Variants in PDE4D observed in about 807,000 individuals in gnomAD.
The protein encoded by PDE4D is 3',5'-cyclic-AMP phosphodiesterase 4D.
Under a neutral mutation model 87.4 loss-of-function variants are expected in PDE4D, and 24 were observed. The ratio of observed to expected loss-of-function variants is 0.27; its 90% CI spans 0.20 to 0.39. The LOEUF (loss-of-function observed/expected upper bound fraction) is 0.39, where lower values mean the gene tolerates loss of function less well. PDE4D is among the 10% of genes least tolerant of loss of function. The probability of loss-of-function intolerance (pLI) is 1.00; values close to 1 mark genes in which losing one functional copy is unlikely to be tolerated. For missense variants in PDE4D, 714 were observed against 1,041.0 expected (o/e 0.69, Z 4.32); for synonymous variants, 384 against 383.2 (o/e 1.00, Z -0.02).
At chr5:59,649,370 C>T (rs969108917) in intron 1 of PDE4D, among the ~76,000 whole-genome samples, 6 of 151,948 alleles carry the variant, frequency 3.9e-5, no homozygotes, top group African/African-American at 1.5e-4. Flanking sequence ...AAGTGTGAGC[C>T]GGGGGAGGAA....
At chr5:59,581,128 G>A (rs1309047776) in intron 1 of PDE4D, among the ~76,000 whole-genome samples, 6 of 152,032 alleles carry the variant, frequency 3.9e-5, no homozygotes, top group Admixed American at 6.6e-5. Flanking sequence ...TTGAGCTATT[G>A]CAAAAATGTG....
chr5:59,908,758 T>C (rs989991002), intron 3 of PDE4D, among the ~76,000 whole-genome samples: 3 of 152,198 alleles, frequency 2.0e-5, no homozygotes, highest in South Asian at 2.1e-4. Flanking sequence ...ATTTAGATAA[T>C]TGAGAATTCT....
intron 1 of PDE4D, among the ~76,000 whole-genome samples, chr5:59,532,245 C>T (rs1814371570): frequency 6.6e-6 from 1 of 152,122 alleles, no homozygotes; most frequent in Non-Finnish European, 1.5e-5. Context: ...AGCCATTCTC[C>T]TGCCTCAGCC....
rs978972101 is a variant in PDE4D at position 59,476,252 on chromosome 5, G to A, written c.456-260284C>T. 2.4e-4 allele frequency among the ~76,000 whole-genome samples: 36 copies of A among 152,004 alleles called. 1 individual carries two copies. The highest frequency in any genetic ancestry group is 1.5e-3 in the Admixed American group (23 of 15,242). On this transcript the variant is annotated intron_variant, in intron 1 of 14. Transcript: ENST00000340635. The stretch of plus-strand genomic sequence containing the variant: ...GACAAAACCTAATCTTATGTGATGT[G>A]GTGGGAGGGGACTGGGGTATGGTAC...
intron 5 of PDE4D, among the ~76,000 whole-genome samples, chr5:59,056,784 CT>C (rs1012678272): frequency 1.8e-4 from 28 of 152,240 alleles, no homozygotes; most frequent in African/African-American, 6.5e-4. Context: ...TAAACTCATT[CT>C]TTTTTATGGC....
chr5:60,379,269 T>C (rs1375191431), intron 1 of PDE4D, among the ~76,000 whole-genome samples: 1 of 152,238 alleles, frequency 6.6e-6, no homozygotes, highest in East Asian at 1.9e-4. Flanking sequence ...GACTAGTTTT[T>C]ATTTTTAGAA....
chr5:60,065,070 CAT>C (rs1771902020), intron 2 of PDE4D, among the ~76,000 whole-genome samples: 1 of 152,148 alleles, frequency 6.6e-6, no homozygotes, highest in African/African-American at 2.4e-5. Flanking sequence ...ACACACATTG[CAT>C]TGCTATTCTT....
intron 1 of PDE4D, among the ~76,000 whole-genome samples, chr5:59,639,010 T>C (rs1741083832): frequency 6.6e-6 from 1 of 152,196 alleles, no homozygotes; most frequent in African/African-American, 2.4e-5. Flanking sequence ...TGCTTTTGTT[T>C]GGTGGGAAGT....
upstream of PDE4D, among the ~76,000 whole-genome samples, chr5:60,488,635 AATACAGGATTTTCC>A (rs1749340996): frequency 6.6e-6 from 1 of 152,078 alleles, no homozygotes; most frequent in African/African-American, 2.4e-5. Context: ...TGTGGAGGAA[AATACAGGATTTTCC>A]AGAACAGTTT....
intron 5 of PDE4D, chr5:59,157,014 TAA>T (rs11444928): frequency 3.3e-4 from 62 of 190,666 alleles, no homozygotes; most frequent in East Asian, 4.7e-4. Context: ...CTTCATTAAT[TAA>T]AAAAAAAAAA....
intron 1 of PDE4D, among the ~76,000 whole-genome samples, chr5:59,809,572 T>C (rs1472197887): frequency 2.0e-5 from 3 of 152,164 alleles, no homozygotes; most frequent in Non-Finnish European, 4.4e-5. Flanking sequence ...GGAGTAATTT[T>C]AGGATATAGT....
intron 1 of PDE4D, among the ~76,000 whole-genome samples, chr5:60,512,161 C>T (rs1750606426): frequency 1.3e-5 from 2 of 152,116 alleles, no homozygotes; most frequent in Non-Finnish European, 2.9e-5. Context: ...AATAATATGA[C>T]ATGAGATTCT....
intron 1 of PDE4D, among the ~76,000 whole-genome samples, chr5:60,469,272 C>T (rs1313941182): frequency 6.6e-6 from 1 of 152,106 alleles, no homozygotes; most frequent in East Asian, 1.9e-4. Flanking sequence ...ACTTTTCTTC[C>T]TTTCCTTCAC....
chr5:59,736,400 C>G (rs972520552), intron 1 of PDE4D, among the ~76,000 whole-genome samples: 2 of 151,876 alleles, frequency 1.3e-5, no homozygotes, highest in East Asian at 3.9e-4. Flanking sequence ...TACAATTGGC[C>G]GGGTGCAGTG....
At chr5:59,260,069 C>A (rs552432253) in intron 1 of PDE4D, among the ~76,000 whole-genome samples, 1 of 151,898 alleles carries the variant, frequency 6.6e-6, no homozygotes, top group Non-Finnish European at 1.5e-5. Context: ...CCTGAATCTA[C>A]CCTGTCTTAG....
chr5:59,092,519 T>C (rs1768922773), intron 5 of PDE4D, among the ~76,000 whole-genome samples: 1 of 151,802 alleles, frequency 6.6e-6, no homozygotes, highest in South Asian at 2.1e-4. Flanking sequence ...TTTGATAGAG[T>C]AGAGAGACTC....
chr5:59,625,500 A>G (rs1830797976), intron 1 of PDE4D, among the ~76,000 whole-genome samples: 2 of 151,886 alleles, frequency 1.3e-5, no homozygotes, highest in African/African-American at 4.8e-5. Context: ...AAGAGCTGCG[A>G]CATTAAAAAA....
At chr5:59,848,420 T>C (rs1216416673) in intron 1 of PDE4D, among the ~76,000 whole-genome samples, 1 of 152,090 alleles carries the variant, frequency 6.6e-6, no homozygotes, top group Non-Finnish European at 1.5e-5. Context: ...GGTGTGCCAA[T>C]ATTTAGTTAA....
intron 2 of PDE4D, among the ~76,000 whole-genome samples, chr5:60,014,168 T>C (rs563272020): frequency 4.7e-5 from 7 of 148,064 alleles, no homozygotes; most frequent in Non-Finnish European, 8.9e-5. Context: ...TGATTCCACA[T>C]AGAGGCCATA....
Sources: gnomAD v4.1 joint callset for allele counts (sites outside exome capture counted in the v4.1 genomes callset) on GRCh38, gnomAD v4.1.1 for gene constraint, MANE v1.5 for transcripts, NCBI Gene and HGNC (gene_info 2026-07-23, HGNC 2026-07-21) for gene names.